Variants in MYO1E observed in about 807,000 individuals in gnomAD.
MYO1E encodes the protein myosin IE, also known as unconventional myosin-Ie.
A neutral mutation model predicts 151.1 loss-of-function variants in MYO1E; 68 were observed. The observed-to-expected ratio is 0.45, with a 90% CI of 0.37 to 0.55. The LOEUF is 0.55. Ranked by LOEUF, MYO1E falls within the 20% of genes least tolerant of loss-of-function variation. The probability of loss-of-function intolerance (pLI) is 0.00; values close to 1 mark genes in which losing one functional copy is unlikely to be tolerated. For missense variants in MYO1E, 1,363 were observed against 1,389.3 expected, an observed-to-expected ratio of 0.98 and a Z score of 0.30; for synonymous variants, 601 against 501.7, an observed-to-expected ratio of 1.20 and a Z score of -2.64.
At chr15:59,267,384 G>A (rs548158335) in intron 2 of MYO1E, among the ~76,000 whole-genome samples, 2 of 152,190 alleles carry the variant, frequency 1.3e-5, no homozygotes, top group African/African-American at 4.8e-5. Flanking sequence ...TGGTCGAGTG[G>A]ACTTCCTTGG....
chr15:59,257,905 T>A (rs1400563887), intron 3 of MYO1E, among the ~76,000 whole-genome samples: 2 of 152,182 alleles, frequency 1.3e-5, no homozygotes, highest in African/African-American at 2.4e-5. Context: ...GCAGGATTAT[T>A]ATAATTATTA....
intron 1 of MYO1E, among the ~76,000 whole-genome samples, chr15:59,313,371 G>A (rs1177981280): frequency 6.6e-6 from 1 of 152,288 alleles, no homozygotes; most frequent in Non-Finnish European, 1.5e-5. Context: ...ATTATTTAAG[G>A]AAGCAACACA....
At chr15:59,261,387 A>C (rs749761934) in intron 3 of MYO1E, 33 bp downstream of exon 3, 6 of 1,469,844 alleles carry the variant, frequency 4.1e-6, no homozygotes, top group African/African-American at 2.8e-5. Context: ...AAAGCCCTAA[A>C]TAAGGCAGTA....
At chr15:59,364,676 A>G (rs540096591) in intron 1 of MYO1E, among the ~76,000 whole-genome samples, 1 of 152,294 alleles carries the variant, frequency 6.6e-6, no homozygotes, top group African/African-American at 2.4e-5. Flanking sequence ...TGGGAGGTCA[A>G]GGTGGGTCAC....
At chr15:59,304,643 A>C (rs935009207) in intron 1 of MYO1E, among the ~76,000 whole-genome samples, 2 of 152,178 alleles carry the variant, frequency 1.3e-5, no homozygotes, top group Non-Finnish European at 2.9e-5. Flanking sequence ...GGCTCTGCTG[A>C]AACTATGCTC....
At chr15:59,319,380 G>A (rs569560301) in intron 1 of MYO1E, among the ~76,000 whole-genome samples, 138 of 151,862 alleles carry the variant, frequency 9.1e-4, no homozygotes, top group African/African-American at 2.9e-3. Context: ...ATTCTACCTT[G>A]AAAAGAAAAT....
chr15:59,197,673 T>C (rs1237093886), intron 16 of MYO1E, among the ~76,000 whole-genome samples: 2 of 152,246 alleles, frequency 1.3e-5, no homozygotes, highest in Non-Finnish European at 2.9e-5. Flanking sequence ...GCCTGTTCTT[T>C]GGCAACAATC....
intron 4 of MYO1E, among the ~76,000 whole-genome samples, chr15:59,236,922 T>G (rs554331995): frequency 6.6e-6 from 1 of 152,316 alleles, no homozygotes; most frequent in East Asian, 1.9e-4. Flanking sequence ...CACTGACCAT[T>G]AAGCATTTTA....
rs188720707 is a variant in MYO1E at position 59,187,912 on chromosome 15, G to A, written c.1904+206C>T. On this transcript the variant is annotated intron_variant, in intron 18 of 27. Transcript: ENST00000288235. The stretch of plus-strand genomic sequence containing the variant: ...GACTGACTGGGCCCAGAGGCAAGGG[G>A]AGAATTGGAGGTTGACAACAAAGGG... Among the ~76,000 whole-genome samples, 926 of 152,328 alleles carry A rather than the reference G, an allele frequency of 6.1e-3. 15 individuals are homozygous for A. Among genetic ancestry groups the A allele is most frequent in the Middle Eastern group, 0.044 (13 of 294 alleles).
chr15:59,372,773 G>C lies in MYO1E; in HGVS notation c.-273C>G, dbSNP rs985644693. 1.9e-5 allele frequency: 10 copies of C among 539,020 alleles called. No homozygotes were observed. Among genetic ancestry groups the C allele is most frequent in the Admixed American group, 1.4e-4 (4 of 29,426 alleles). 33.4% of individuals were successfully genotyped at this position (539,020 alleles called of 1,614,324 possible). ...CCACTCGTACTCGCCGGTCGCCGCCGGCCCAGGTGAGTCCGATGCGCTCGG... is the reference window on the plus strand; with the variant it reads ...CCACTCGTACTCGCCGGTCGCCGCCCGCCCAGGTGAGTCCGATGCGCTCGG... On this transcript the variant is annotated 5_prime_UTR_variant, in exon 1 of 28. Transcript: ENST00000288235.
chr15:59,172,576 C>G (rs2079602033), intron 21 of MYO1E, among the ~76,000 whole-genome samples: 1 of 152,168 alleles, frequency 6.6e-6, no homozygotes, highest in Non-Finnish European at 1.5e-5. Flanking sequence ...CTCTTTTTGA[C>G]TTAAAAACTG....
At chr15:59,208,930 G>T in intron 13 of MYO1E, 82 bp from the exon 14 acceptor site, 2 of 1,517,162 alleles carry the variant, frequency 1.3e-6, no homozygotes, top group Non-Finnish European at 1.8e-6. Flanking sequence ...CTTAGGCAAG[G>T]AAACAGCTCC....
intron 1 of MYO1E, among the ~76,000 whole-genome samples, chr15:59,329,796 T>A (rs2080687525): frequency 6.6e-6 from 1 of 152,174 alleles, no homozygotes; most frequent in Non-Finnish European, 1.5e-5. Flanking sequence ...CAGCGTGAGA[T>A]CAAATCCCCA....
At chr15:59,313,834 G>A (rs1026150253) in intron 1 of MYO1E, among the ~76,000 whole-genome samples, 1 of 152,228 alleles carries the variant, frequency 6.6e-6, no homozygotes, top group African/African-American at 2.4e-5. Flanking sequence ...TAGGAACCAA[G>A]GATGGTATTT....
chr15:59,360,754 G>A (rs375842471), intron 1 of MYO1E, among the ~76,000 whole-genome samples: 46 of 152,302 alleles, frequency 3.0e-4, no homozygotes, highest in African/African-American at 9.9e-4. Flanking sequence ...AGCAGACAGA[G>A]CAGGAGCCAT....
At chr15:59,257,140 G>C (rs1318499418) in intron 3 of MYO1E, among the ~76,000 whole-genome samples, 1 of 152,138 alleles carries the variant, frequency 6.6e-6, no homozygotes. Context: ...ACAATTTCTT[G>C]ACACCTACCT....
chr15:59,216,744 A>G (rs963588597), intron 10 of MYO1E, among the ~76,000 whole-genome samples: 2 of 143,560 alleles, frequency 1.4e-5, no homozygotes, highest in Admixed American at 7.0e-5. Context: ...CATAACCAAA[A>G]ATATCTAATA....
chr15:59,152,174 C>T (rs938187323), intron 26 of MYO1E, among the ~76,000 whole-genome samples: 4 of 152,004 alleles, frequency 2.6e-5, no homozygotes, highest in East Asian at 1.9e-4. Flanking sequence ...TGCAGTGAGC[C>T]GAGACTGCAC....
chr15:59,297,530 G>A (rs991070417), intron 1 of MYO1E, among the ~76,000 whole-genome samples: 2 of 148,166 alleles, frequency 1.3e-5, no homozygotes, highest in African/African-American at 2.5e-5. Flanking sequence ...TGATCTGCCT[G>A]CCTCAGCCTC....
Sources: allele counts gnomAD v4.1 joint callset (sites outside exome capture counted in the v4.1 genomes callset), GRCh38; gene constraint gnomAD v4.1.1; transcripts MANE v1.5; gene names NCBI Gene and HGNC (gene_info 2026-07-23, HGNC 2026-07-21).